TMTC1: variants seen among roughly 807,000 people sequenced by gnomAD.
The protein encoded by TMTC1 is protein O-mannosyl-transferase TMTC1.
In TMTC1, 73 loss-of-function variants were observed where a neutral mutation model predicts 104.8. That is an observed-to-expected ratio of 0.70 (90% CI 0.58 to 0.85). The LOEUF is 0.85. Among genes scored for constraint, TMTC1 ranks in the 40% least tolerant of loss-of-function variants. The probability of loss-of-function intolerance (pLI) is 0.00; values close to 1 mark genes in which losing one functional copy is unlikely to be tolerated. For synonymous variants in TMTC1, 434 were observed against 428.7 expected, an observed-to-expected ratio of 1.01 and a Z score of -0.15; for missense variants, 1,035 against 1,096.1, an observed-to-expected ratio of 0.94 and a Z score of 0.79.
At chr12:29,605,992 T>C (rs1331023579) in intron 6 of TMTC1, among the ~76,000 whole-genome samples, 1 of 152,218 alleles carries the variant, frequency 6.6e-6, no homozygotes, top group African/African-American at 2.4e-5. Flanking sequence ...GTTAATTCGC[T>C]CAGGATAATG....
At chr12:29,622,793 G>A (rs1007710904) in intron 6 of TMTC1, among the ~76,000 whole-genome samples, 4 of 152,206 alleles carry the variant, frequency 2.6e-5, no homozygotes, top group African/African-American at 9.7e-5. Context: ...TGTGTGAGTA[G>A]AAGGAGGAGA....
In TMTC1 at chr12:29,621,379, T is replaced by C. The variant is rs1937663006; in HGVS notation, c.1128+11768A>G. ...TCAGCAAGTGTGTTCAGTTCAACCA[T>C]ATGGATCTATGGTAGTACAATGTTG... On this transcript the variant is annotated intron_variant, in intron 6 of 17. Transcript: ENST00000539277. 2.0e-5 allele frequency among the ~76,000 whole-genome samples: 3 copies of C among 152,062 alleles called. No homozygotes were observed. In the South Asian group the frequency reaches 6.2e-4, roughly 31 times the overall value.
rs1943882945 is a variant in TMTC1, at chr12:29,783,438, T to C, written c.302+12A>G. 3.9e-6 allele frequency: 5 copies of C among 1,294,374 alleles called. No individual in the cohort carries two copies. In the South Asian group the frequency reaches 1.1e-4, roughly 30 times the overall value. 80.2% of individuals were successfully genotyped at this position (1,294,374 alleles called of 1,614,324 possible). On this transcript the variant is annotated intron_variant, in intron 1 of 17. Transcript: ENST00000539277. The surrounding 1 kb of genome is among the most constrained non-coding windows in gnomAD (Gnocchi z 4.7). ...GGAGGCAGCGGCGGCTAGCGCGAGG[T>C]GAGGGACTCACTTGAAGGTGAGGAC...
chr12:29,577,298 G>A (rs1440187319), intron 8 of TMTC1, among the ~76,000 whole-genome samples: 2 of 152,096 alleles, frequency 1.3e-5, no homozygotes, highest in East Asian at 1.9e-4. Context: ...TGATGACGGG[G>A]TTCCACATCT....
chr12:29,556,359 A>G (rs1945246164), intron 10 of TMTC1, among the ~76,000 whole-genome samples: 1 of 152,230 alleles, frequency 6.6e-6, no homozygotes, highest in African/African-American at 2.4e-5. Context: ...ACTGGGTAGA[A>G]GTATGGTTAA....
chr12:29,618,156 T>C (rs890452200), intron 6 of TMTC1, among the ~76,000 whole-genome samples: 1 of 152,102 alleles, frequency 6.6e-6, no homozygotes, highest in Non-Finnish European at 1.5e-5. Flanking sequence ...GGATGAGATA[T>C]GAAATTTGAG....
chr12:29,536,049 G>A lies in TMTC1; in HGVS notation c.1785+160C>T, dbSNP rs190838553. 233 of 614,050 alleles carry A rather than the reference G, an allele frequency of 3.8e-4. No homozygotes were observed. In the African/African-American group the frequency reaches 3.9e-3, roughly 10 times the overall value. The allele number at this position is 614,050 out of a possible 1,614,324, so 38.0% of individuals were successfully genotyped here. On this transcript the variant is annotated intron_variant, in intron 11 of 17. Transcript: ENST00000539277. The stretch of plus-strand genomic sequence containing the variant: ...TGTGATACACAGAGAATATTGGAGT[G>A]AGAAAATTAGGCTTGTAATTTCTGT...
intron 7 of TMTC1, among the ~76,000 whole-genome samples, chr12:29,587,948 C>A (rs1006936028): frequency 3.3e-5 from 5 of 152,190 alleles, no homozygotes; most frequent in Non-Finnish European, 7.4e-5. Flanking sequence ...TCTCCATCTT[C>A]TGTTCTCTGT....
At chr12:29,564,940 AAGAAG>A (rs1375716289) in intron 9 of TMTC1, among the ~76,000 whole-genome samples, 2 of 151,650 alleles carry the variant, frequency 1.3e-5, no homozygotes, top group Non-Finnish European at 2.9e-5. Flanking sequence ...TTGAGCAGAA[AAGAAG>A]AGATCAGCCT....
Position 29,573,475 on chromosome 12 carries a change from G to C in TMTC1, c.1419-1257C>G, listed in dbSNP as rs117814667. Among the ~76,000 whole-genome samples the C allele has an allele frequency of 3.0e-4, 46 of 152,318 alleles. No individual in the cohort carries two copies. The East Asian group carries it at 8.5e-3, about 28-fold the overall frequency. On this transcript the variant is annotated intron_variant, in intron 8 of 17. Transcript: ENST00000539277. ...AGGTGCTGGGGATACAATATGGTTA[G>C]AGTCCCAGCCCTCAGGGAGTTTATG...
intron 5 of TMTC1, among the ~76,000 whole-genome samples, chr12:29,692,871 T>C (rs117296761): frequency 0.014 from 1,978 of 144,854 alleles, 242 homozygotes; most frequent in Non-Finnish European, 0.018. Context: ...AACATCATAC[T>C]ACATTAAAGA....
At chr12:29,555,134 C>CTTTTTTTTTTT (rs77513599) in intron 10 of TMTC1, among the ~76,000 whole-genome samples, 1 of 88,200 alleles carries the variant, frequency 1.1e-5, no homozygotes, top group Non-Finnish European at 2.0e-5. Context: ...TTCCAACATC[C>CTTTTTTTTTTT]TTTTTTTTTT....
At chr12:29,685,367 T>TAA (rs201264038) in intron 5 of TMTC1, among the ~76,000 whole-genome samples, 2 of 136,750 alleles carry the variant, frequency 1.5e-5, no homozygotes, top group African/African-American at 2.7e-5. Flanking sequence ...ATTTCCAAAA[T>TAA]AAAAAAAAAA....
intron 5 of TMTC1, among the ~76,000 whole-genome samples, chr12:29,649,168 T>C (rs1168647120): frequency 5.3e-5 from 8 of 152,208 alleles, no homozygotes; most frequent in Non-Finnish European, 1.5e-5. Flanking sequence ...TTGTTGTCCA[T>C]CAGTTTTACT....
At chr12:29,717,999 T>G (rs2136868977) in intron 5 of TMTC1, among the ~76,000 whole-genome samples, 1 of 152,240 alleles carries the variant, frequency 6.6e-6, no homozygotes, top group East Asian at 1.9e-4. Flanking sequence ...ATAAACACTG[T>G]TTTCCTAGGT....
At position 29,700,430 on chromosome 12, in the gene TMTC1, T is replaced by C. The variant is rs149435784; in HGVS notation, c.938+51236A>G. Reference sequence around the variant, plus strand: ...GTTGTCCAGGCGGGTCTCAAACTCCTGGCTTAATATCCTCCCACCTTGATC... The same window carrying C: ...GTTGTCCAGGCGGGTCTCAAACTCCCGGCTTAATATCCTCCCACCTTGATC... On this transcript the variant is annotated intron_variant, in intron 5 of 17. Transcript: ENST00000539277. 1.7e-3 allele frequency among the ~76,000 whole-genome samples: 258 copies of C among 152,084 alleles called. 1 individual carries two copies. Among genetic ancestry groups the C allele is most frequent in the African/African-American group, 5.7e-3 (237 of 41,502 alleles).
At chr12:29,672,779 G>A (rs753823521) in intron 5 of TMTC1, among the ~76,000 whole-genome samples, 1 of 152,158 alleles carries the variant, frequency 6.6e-6, no homozygotes, top group Non-Finnish European at 1.5e-5. Context: ...GGGCTTTTCT[G>A]CAGACCACAG....
At chr12:29,710,541 TTATA>T (rs1941872601) in intron 5 of TMTC1, among the ~76,000 whole-genome samples, 1 of 145,992 alleles carries the variant, frequency 6.8e-6, no homozygotes, top group Admixed American at 6.9e-5. Context: ...ATATATATCC[TTATA>T]TATAATATAT....
intron 7 of TMTC1, among the ~76,000 whole-genome samples, chr12:29,590,208 G>T (rs1014594579): frequency 6.6e-6 from 1 of 151,864 alleles, no homozygotes; most frequent in Non-Finnish European, 1.5e-5. Context: ...CTTTATCTGA[G>T]GAATGAAGCC....
Sources: gnomAD v4.1 joint callset for allele counts (sites outside exome capture counted in the v4.1 genomes callset) on GRCh38, gnomAD v4.1.1 for gene constraint, Gnocchi (gnomAD v3.1) non-coding constraint, MANE v1.5 for transcripts, NCBI Gene and HGNC (gene_info 2026-07-23, HGNC 2026-07-21) for gene names.